GPC3: variants seen among roughly 807,000 people sequenced by gnomAD.
GPC3 encodes the protein glypican-3.
A neutral mutation model predicts 34.4 loss-of-function variants in GPC3; 3 were observed. The ratio of observed to expected loss-of-function variants is 0.09; its 90% CI spans 0.04 to 0.23. The LOEUF (loss-of-function observed/expected upper bound fraction) is 0.23, where lower values mean the gene tolerates loss of function less well. GPC3 is among the 10% of genes least tolerant of loss of function. The pLI is 1.00. For synonymous variants in GPC3, 177 were observed against 174.0 expected, an observed-to-expected ratio of 1.02 and a Z score of -0.13; for missense variants, 351 against 445.6, an observed-to-expected ratio of 0.79 and a Z score of 1.91.
chrX:133,725,804 G>T (rs2071401816), intron 3 of GPC3, among the ~76,000 whole-genome samples: 1 of 111,863 alleles, frequency 8.9e-6, no homozygotes, highest in Non-Finnish European at 1.9e-5. Flanking sequence ...CAACTAGGGC[G>T]CAGGTACTAC....
intron 1 of GPC3, among the ~76,000 whole-genome samples, chrX:133,955,541 T>TAACA (rs1479183240): frequency 8.9e-6 from 1 of 111,739 alleles, no homozygotes; most frequent in East Asian, 2.8e-4. Context: ...GAACCCAGTC[T>TAACA]AACATACCTT....
chrX:133,958,949 T>C (rs919241906), intron 1 of GPC3, among the ~76,000 whole-genome samples: 3 of 111,208 alleles, frequency 2.7e-5, no homozygotes, highest in African/African-American at 9.8e-5. Context: ...TTCAGTTGAA[T>C]GAACTATGAA....
chrX:133,793,351 T>C (rs1222055439), intron 2 of GPC3, among the ~76,000 whole-genome samples: 1 of 111,927 alleles, frequency 8.9e-6, no homozygotes, highest in African/African-American at 3.2e-5. Context: ...TATTAAGAAA[T>C]ATAAGGGCTT....
intron 3 of GPC3, among the ~76,000 whole-genome samples, chrX:133,749,761 C>T (rs955248883): frequency 9.0e-6 from 1 of 111,416 alleles, no homozygotes; most frequent in Non-Finnish European, 1.9e-5. Flanking sequence ...CAGGGTTTTA[C>T]ATTTTATCGC....
Position 133,818,993 on chromosome X carries a change from T to A in GPC3, c.338-64817A>T, listed in dbSNP as rs184909924. 4.0e-3 allele frequency among the ~76,000 whole-genome samples: 445 copies of A among 110,318 alleles called. 3 individuals are homozygous for A. The highest frequency in any genetic ancestry group is 0.014 in the Middle Eastern group (3 of 216). ...TTTTTCTCTACTGATGGATTTTTTT[T>A]AATTTTATTATTATTATACTTTAAG... is the stretch of plus-strand genomic sequence containing the variant. On this transcript the variant is annotated intron_variant, in intron 2 of 7. Transcript: ENST00000370818.
chrX:133,929,819 A>G (rs1298154696), intron 2 of GPC3, among the ~76,000 whole-genome samples: 3 of 112,243 alleles, frequency 2.7e-5, no homozygotes, highest in African/African-American at 9.7e-5. Context: ...GCTGATTCAC[A>G]TAAGCCTAAA....
chrX:133,724,290 G>T lies in GPC3; in HGVS notation c.1033-24262C>A, dbSNP rs778642479. On this transcript the variant is annotated intron_variant, in intron 3 of 7. Transcript: ENST00000370818. ...GGATCAAAGATTCAACTAGCTGAAG[G>T]TAATTACTTAGAAGCTATGGTCTTC... 1.5e-4 allele frequency among the ~76,000 whole-genome samples: 17 copies of T among 112,085 alleles called. No homozygotes were observed. In the South Asian group the frequency reaches 6.4e-3, roughly 42 times the overall value.
At chrX:133,898,105 C>G (rs1369847214) in intron 2 of GPC3, among the ~76,000 whole-genome samples, 2 of 111,381 alleles carry the variant, frequency 1.8e-5, no homozygotes, top group African/African-American at 3.3e-5. Context: ...TAGATTTGAG[C>G]ATTCTAGGCA....
chrX:133,969,374 C>A (rs2076480047), intron 1 of GPC3, among the ~76,000 whole-genome samples: 1 of 111,862 alleles, frequency 8.9e-6, no homozygotes, highest in African/African-American at 3.3e-5. Flanking sequence ...CAAAGATATA[C>A]AAGGAGCTAA....
intron 6 of GPC3, among the ~76,000 whole-genome samples, chrX:133,650,587 C>T (rs1982798088): frequency 9.0e-6 from 1 of 110,951 alleles, no homozygotes; most frequent in African/African-American, 3.3e-5. Context: ...ATATATTTTT[C>T]CAAGAATCTT....
chrX:133,753,752 T>C lies in GPC3; in HGVS notation c.762A>G (p.Arg254=), dbSNP rs934493521. The change falls in exon 3 of 8, where the codon CGA becomes CGG. Residue 254 remains arginine, a synonymous_variant. Coordinates refer to ENST00000370818, the MANE Select transcript of GPC3 (RefSeq NM_004484.4). ...DHLKFSKDCG[R]MLTRMWYCSY... Reference sequence around the variant, plus strand: ...AGCAGTACCACATTCTGGTGAGCATTCGGCCACAGTCCTTACTGAACTTCA... The same window carrying C: ...AGCAGTACCACATTCTGGTGAGCATCCGGCCACAGTCCTTACTGAACTTCA... The C allele has an allele frequency of 2.0e-5, 24 of 1,211,562 alleles. No individual in the cohort carries two copies. In the East Asian group the frequency reaches 7.1e-4, roughly 36 times the overall value.
At chrX:133,759,667 A>G (rs969928112) in intron 2 of GPC3, among the ~76,000 whole-genome samples, 9 of 112,247 alleles carry the variant, frequency 8.0e-5, no homozygotes, top group African/African-American at 2.9e-4. Context: ...TATAGAATGT[A>G]AAGTGGGAGT....
chrX:133,836,173 C>T (rs2075798467), intron 2 of GPC3, among the ~76,000 whole-genome samples: 1 of 113,522 alleles, frequency 8.8e-6, no homozygotes, highest in African/African-American at 3.2e-5. Context: ...ACAGCCTTTT[C>T]TCATGTTGAA....
chrX:133,919,329 G>C (rs528567964), intron 2 of GPC3, among the ~76,000 whole-genome samples: 2 of 111,702 alleles, frequency 1.8e-5, no homozygotes, highest in African/African-American at 6.5e-5. Context: ...CTTCCCTTCG[G>C]TGACATTAAA....
chrX:133,775,351 T>C (rs914104050), intron 2 of GPC3, among the ~76,000 whole-genome samples: 1 of 111,878 alleles, frequency 8.9e-6, no homozygotes, highest in Non-Finnish European at 1.9e-5. Context: ...CCATAGCTTG[T>C]TGATTTTCTA....
chrX:133,769,832 C>T (rs1289043586), intron 2 of GPC3, among the ~76,000 whole-genome samples: 3 of 111,922 alleles, frequency 2.7e-5, no homozygotes, highest in South Asian at 3.7e-4. Context: ...TTAAAAGGGA[C>T]ATTATATATA....
chrX:133,970,045 C>T (rs937845212), intron 1 of GPC3, among the ~76,000 whole-genome samples: 6 of 112,429 alleles, frequency 5.3e-5, no homozygotes, highest in African/African-American at 9.7e-5. Context: ...ATGACTATAG[C>T]GGTACCACAT....
intron 7 of GPC3, among the ~76,000 whole-genome samples, chrX:133,543,982 G>A (rs767313262): frequency 1.8e-5 from 2 of 112,022 alleles, no homozygotes; most frequent in South Asian, 7.5e-4. Context: ...TGTAATCCCA[G>A]GATTCTGGTA....
At chrX:133,717,670 G>A (rs1489938782) in intron 3 of GPC3, among the ~76,000 whole-genome samples, 1 of 110,660 alleles carries the variant, frequency 9.0e-6, no homozygotes, top group Non-Finnish European at 1.9e-5. Context: ...CGGGAAGCTT[G>A]GTTGTTGGAG....
Sources: allele counts gnomAD v4.1 joint callset (sites outside exome capture counted in the v4.1 genomes callset), GRCh38; gene constraint gnomAD v4.1.1; transcripts MANE v1.5; gene names NCBI Gene and HGNC (gene_info 2026-07-23, HGNC 2026-07-21).